The following ITGB5 variants were observed in gnomAD, a reference collection of about 807,000 sequenced individuals.
ITGB5 encodes integrin beta-5.
A neutral mutation model predicts 84.8 loss-of-function variants in ITGB5; 38 were observed. The observed-to-expected ratio is 0.45, with a 90% confidence interval of 0.35 to 0.59. The LOEUF (loss-of-function observed/expected upper bound fraction) is 0.59. ITGB5 is among the 20% of genes least tolerant of loss of function. ITGB5 has a pLI of 0.01. For missense variants in ITGB5, 905 were observed against 1,034.5 expected, an observed-to-expected ratio of 0.87 and a Z score of 1.72; for synonymous variants, 393 against 414.4, an observed-to-expected ratio of 0.95 and a Z score of 0.63.
intron 4 of ITGB5, among the ~76,000 whole-genome samples, chr3:124,845,605 G>C (rs982549885): frequency 8.5e-5 from 13 of 152,324 alleles, no homozygotes; most frequent in Non-Finnish European, 8.8e-5. Flanking sequence ...CTCTGCCTTA[G>C]AGGACTTAGA....
chr3:124,889,194 A>C (rs1934940047), upstream of ITGB5, among the ~76,000 whole-genome samples: 1 of 152,212 alleles, frequency 6.6e-6, no homozygotes, highest in African/African-American at 2.4e-5. Flanking sequence ...TCTGAGGCTC[A>C]CCTGAGACAA....
At position 124,863,541 on chromosome 3, in the gene ITGB5, C is replaced by T. The variant is rs540117359; in HGVS notation, c.157-4095G>A. Reference sequence around the variant, plus strand: ...AGTATTTTTATTTTCATTTTTGAGACGGAGTCTCACTCTGTCACCCAGGCT... The same window carrying T: ...AGTATTTTTATTTTCATTTTTGAGATGGAGTCTCACTCTGTCACCCAGGCT... On this transcript the variant is annotated intron_variant, in intron 2 of 14. Coordinates refer to ENST00000296181, the MANE Select transcript of ITGB5 (RefSeq NM_002213.5). 2.3e-4 allele frequency among the ~76,000 whole-genome samples: 35 copies of T among 152,240 alleles called. 1 individual carries two copies. In the East Asian group the frequency reaches 5.4e-3, roughly 23 times the overall value.
At chr3:124,776,705 T>C (rs2063931497) in intron 10 of ITGB5, among the ~76,000 whole-genome samples, 1 of 152,108 alleles carries the variant, frequency 6.6e-6, no homozygotes, top group Non-Finnish European at 1.5e-5. Context: ...CACAAACATA[T>C]AAAAAGTAAA....
At chr3:124,837,962 C>G (rs1183884998) in intron 5 of ITGB5, among the ~76,000 whole-genome samples, 1 of 152,206 alleles carries the variant, frequency 6.6e-6, no homozygotes, top group Non-Finnish European at 1.5e-5. Flanking sequence ...CTCTGTTCCA[C>G]TGTTTGCAGG....
intron 10 of ITGB5, among the ~76,000 whole-genome samples, chr3:124,781,000 C>A (rs1225373509): frequency 6.6e-6 from 1 of 152,184 alleles, no homozygotes; most frequent in Non-Finnish European, 1.5e-5. Flanking sequence ...GAGCAGGAAG[C>A]CAAGTCAGCA....
intron 5 of ITGB5, among the ~76,000 whole-genome samples, chr3:124,829,274 G>A (rs1235867545): frequency 2.0e-5 from 3 of 152,142 alleles, no homozygotes; most frequent in Admixed American, 2.0e-4. Context: ...TTTTCTCTAT[G>A]TCTTTAAGTA....
At chr3:124,861,842 G>A (rs567434810) in intron 2 of ITGB5, among the ~76,000 whole-genome samples, 1 of 152,312 alleles carries the variant, frequency 6.6e-6, no homozygotes, top group African/African-American at 2.4e-5. Context: ...TTACAGGCGT[G>A]AGCCAGTGCA....
At chr3:124,780,490 G>A (rs1409649640) in intron 10 of ITGB5, among the ~76,000 whole-genome samples, 1 of 152,224 alleles carries the variant, frequency 6.6e-6, no homozygotes, top group African/African-American at 2.4e-5. Flanking sequence ...AATGCACTGT[G>A]GCTTCCTTGG....
intron 10 of ITGB5, among the ~76,000 whole-genome samples, chr3:124,774,133 G>A (rs375572117): frequency 1.3e-5 from 2 of 152,336 alleles, no homozygotes; most frequent in East Asian, 1.9e-4. Context: ...CTAGACTGGT[G>A]CTCCAAGTTG....
At chr3:124,896,294 T>A (rs1935099500) in intron 1 of ITGB5, among the ~76,000 whole-genome samples, 1 of 152,220 alleles carries the variant, frequency 6.6e-6, no homozygotes, top group Admixed American at 6.5e-5. Context: ...TTTCCTCTTC[T>A]CCCAGCTTCA....
At chr3:124,764,106 G>T (rs1329492621) in intron 14 of ITGB5, among the ~76,000 whole-genome samples, 1 of 152,138 alleles carries the variant, frequency 6.6e-6, no homozygotes, top group South Asian at 2.1e-4. Context: ...TTTCCTGTTG[G>T]TCTGTGCTCT....
chr3:124,811,125 C>A (rs1303564493), intron 8 of ITGB5, among the ~76,000 whole-genome samples: 1 of 152,140 alleles, frequency 6.6e-6, no homozygotes, highest in Non-Finnish European at 1.5e-5. Flanking sequence ...AACTTGCCAG[C>A]CTTAACTGGC....
intron 1 of ITGB5, among the ~76,000 whole-genome samples, chr3:124,880,441 T>G (rs1934513864): frequency 6.6e-6 from 1 of 152,154 alleles, no homozygotes; most frequent in African/African-American, 2.4e-5. Flanking sequence ...CTAAAACTGC[T>G]CTAAATTCTT....
chr3:124,841,717 T>C (rs2065014548), intron 4 of ITGB5, among the ~76,000 whole-genome samples, 166 bp from the exon 5 acceptor site: 2 of 152,204 alleles, frequency 1.3e-5, no homozygotes, highest in African/African-American at 2.4e-5. Context: ...ATAAATAACA[T>C]AGTTCCTGTT....
In ITGB5 at chr3:124,867,164, T is replaced by C. The variant is rs367838725; in HGVS notation, c.156+6282A>G. On this transcript the variant is annotated intron_variant, in intron 2 of 14. Coordinates refer to ENST00000296181, the MANE Select transcript of ITGB5 (RefSeq NM_002213.5). The stretch of plus-strand genomic sequence containing the variant: ...CCGCTCACCCCAGCCCAGACTTCAC[T>C]AGTCTTCTCCCATGCCCGACCCCAT... 1.8e-4 allele frequency among the ~76,000 whole-genome samples: 28 copies of C among 152,270 alleles called. 2 individuals carry two copies. The East Asian group carries it at 3.3e-3, about 18-fold the overall frequency.
chr3:124,802,996 G>A (rs115102378), intron 9 of ITGB5, among the ~76,000 whole-genome samples: 3,720 of 152,224 alleles, frequency 0.024, 172 homozygotes, highest in African/African-American at 0.085. Context: ...ACAGGGCTGC[G>A]GCCCATCCAA....
chr3:124,825,196 C>CA lies in ITGB5; in HGVS notation c.781-3723dup, dbSNP rs532997344. ...TGGGCAACAGAGCGAGACTCCGTCTCAAAAAAAAAAAAAAAAAAAGTGGAA... is the reference window on the plus strand; with the variant it reads ...TGGGCAACAGAGCGAGACTCCGTCTCAAAAAAAAAAAAAAAAAAAAGTGGAA... On this transcript the variant is annotated intron_variant, in intron 5 of 14. Transcript: ENST00000296181. Among the ~76,000 whole-genome samples, 685 of 78,930 alleles carry CA rather than the reference C, an allele frequency of 8.7e-3. 4 individuals are homozygous for CA. Among genetic ancestry groups the CA allele is most frequent in the Admixed American group, 0.013 (99 of 7,402 alleles). 51.8% of individuals were successfully genotyped at this position (78,930 alleles called of 152,430 possible). A position where few individuals can be genotyped will look rare whatever the true frequency, so the allele number is the denominator to read the frequency against.
upstream of ITGB5, among the ~76,000 whole-genome samples, chr3:124,892,563 C>G (rs1438246965): frequency 6.8e-6 from 1 of 146,630 alleles, no homozygotes; most frequent in African/African-American, 2.5e-5. Context: ...AGCACTGTGC[C>G]AAGTGCCTGT....
Position 124,809,094 on chromosome 3 carries a change from A to G in ITGB5, c.1191T>C (p.Phe397=). 6.2e-7 allele frequency: 1 copy of G among 1,614,092 alleles called. No homozygotes were observed. Among genetic ancestry groups the G allele is most frequent in the South Asian group, 1.1e-5 (1 of 91,078 alleles). Residue 397 remains phenylalanine, a synonymous_variant, in exon 9 of 15, where the codon TTT becomes TTC. Coordinates refer to ENST00000296181, the MANE Select transcript of ITGB5 (RefSeq NM_002213.5). ...ATACCCCATCTTGGCAGGTAGCAGT[A>G]AAGAAGAGATTAAGATCCTCAGGCT... ...WDQPEDLNLF[F]TATCQDGVSY...
Sources: gnomAD v4.1 joint callset for allele counts (sites outside exome capture counted in the v4.1 genomes callset) on GRCh38, gnomAD v4.1.1 for gene constraint, MANE v1.5 for transcripts, NCBI Gene and HGNC (gene_info 2026-07-23, HGNC 2026-07-21) for gene names.